Variants in BLMH observed in about 807,000 individuals in gnomAD.
BLMH encodes the protein bleomycin hydrolase.
In BLMH, 32 loss-of-function variants were observed where a neutral mutation model predicts 61.6. The observed-to-expected ratio is 0.52, with a 90% CI of 0.39 to 0.70. The LOEUF (loss-of-function observed/expected upper bound fraction) is 0.70, where lower values mean the gene tolerates loss of function less well. Ranked by LOEUF, BLMH falls within the 30% of genes least tolerant of loss-of-function variation. BLMH has a pLI of 0.00. For synonymous variants in BLMH, 183 were observed against 193.8 expected, an observed-to-expected ratio of 0.94 and a Z score of 0.46; for missense variants, 460 against 555.5, an observed-to-expected ratio of 0.83 and a Z score of 1.73.
intron 10 of BLMH, among the ~76,000 whole-genome samples, chr17:30,270,095 C>G (rs1908225648): frequency 6.6e-6 from 1 of 152,164 alleles, no homozygotes; most frequent in Non-Finnish European, 1.5e-5. Flanking sequence ...CAAATCAGGA[C>G]TTTTAGATAG....
chr17:30,272,761 C>T lies in BLMH; in HGVS notation c.940G>A (p.Ala314Thr). 6.2e-7 allele frequency: 1 copy of T among 1,614,148 alleles called. No homozygotes were observed. The highest frequency in any genetic ancestry group is 8.5e-7 in the Non-Finnish European group (1 of 1,180,022). Residue 314 changes from alanine to threonine, a missense_variant, in exon 8 of 12, where the codon GCC (alanine) becomes ACC (threonine). By Grantham distance (58) the Ala-to-Thr change is moderately conservative. This residue lies in a region of BLMH where 310 missense variants were observed against 371.1 expected (regional missense o/e 0.84). Transcript: ENST00000261714. ...PIDFLKKMVAASIKDGEAVWF... is the reference protein window; with the variant it reads ...PIDFLKKMVATSIKDGEAVWF... ...CCAACCTCTCCATCTTTGATGGAGG[C>T]AGCAACCATCTTTTTCAGGAAGTCA...
chr17:30,273,781 A>AG (rs776168366), intron 7 of BLMH: 3 of 508,044 alleles, frequency 5.9e-6, no homozygotes, highest in Non-Finnish European at 1.0e-5. Context: ...GGTCCTATAC[A>AG]GGGGCGCATG....
At chr17:30,276,995 A>G (rs1238973280) in intron 6 of BLMH, among the ~76,000 whole-genome samples, 1 of 152,218 alleles carries the variant, frequency 6.6e-6, no homozygotes, top group African/African-American at 2.4e-5. Flanking sequence ...GGCTGACATA[A>G]TGTCTGTGAG....
At chr17:30,291,548 G>T in intron 1 of BLMH, 40 bp from the exon 2 acceptor site, 1 of 1,605,472 alleles carries the variant, frequency 6.2e-7, no homozygotes, top group Non-Finnish European at 8.5e-7. Context: ...CAAAAAGAGG[G>T]GGAAAGGGCT....
In BLMH at chr17:30,283,612, C is replaced by T. The variant is rs567071638; in HGVS notation, c.645+1776G>A. On this transcript the variant is annotated intron_variant, in intron 6 of 11. Transcript: ENST00000261714. ...TCTCGGCTCACTGCAAGCTCTGCCT[C>T]CTGGGTTCAAGTGATTCCCCTGCCT... is the stretch of plus-strand genomic sequence containing the variant. Among the ~76,000 whole-genome samples the T allele has an allele frequency of 2.0e-5, 3 of 150,834 alleles. No individual in the cohort carries two copies. The South Asian group carries it at 6.3e-4, about 32-fold the overall frequency.
chr17:30,283,546 G>A (rs1403213471), intron 6 of BLMH, among the ~76,000 whole-genome samples: 30 of 135,754 alleles, frequency 2.2e-4, no homozygotes, highest in Admixed American at 1.1e-3. Context: ...TTTTGGAGAC[G>A]GAGTCTCACT....
At chr17:30,268,826 C>G (rs566537889) in intron 10 of BLMH, among the ~76,000 whole-genome samples, 32 of 145,542 alleles carry the variant, frequency 2.2e-4, no homozygotes, top group African/African-American at 8.0e-4. Flanking sequence ...TGCTTGAGGT[C>G]AGGAGTTCAA....
At chr17:30,285,317 T>A in intron 6 of BLMH, 71 bp downstream of exon 6, 1 of 1,066,004 alleles carries the variant, frequency 9.4e-7, no homozygotes, top group South Asian at 1.6e-5. Flanking sequence ...TCCTAATCAT[T>A]ACTTTAACAG....
chr17:30,287,035 C>A, intron 4 of BLMH, 133 bp from the exon 5 acceptor site: 1 of 644,702 alleles, frequency 1.6e-6, no homozygotes, highest in Non-Finnish European at 2.7e-6. Flanking sequence ...TATTATGAAG[C>A]AGGGTTTTTT....
chr17:30,259,127 G>A (rs1203292997), intron 11 of BLMH, among the ~76,000 whole-genome samples: 1 of 152,184 alleles, frequency 6.6e-6, no homozygotes, highest in Admixed American at 6.5e-5. Context: ...TTATTCTTGT[G>A]TTTATGTTTT....
At position 30,285,402 on chromosome 17, in the gene BLMH, C is replaced by T. The variant is rs149410629; in HGVS notation, c.631G>A (p.Val211Ile). 5.0e-6 allele frequency: 8 copies of T among 1,610,698 alleles called. No homozygotes were observed. Among genetic ancestry groups the T allele is most frequent in the South Asian group, 2.2e-5 (2 of 90,324 alleles). Residue 211 changes from valine to isoleucine, a missense_variant, in exon 6 of 12, where the codon GTC (valine) becomes ATC (isoleucine). Physicochemically the swap from Val to Ile is conservative, Grantham distance 29 (BLOSUM62 3). Coordinates refer to ENST00000261714, the MANE Select transcript of BLMH (RefSeq NM_000386.4). ...TKGEISATQD[V>I]MMEEIFRVVC... Reference sequence around the variant, plus strand: ...TTTGTTATTACCTCCTCCATCATGACGTCCTGTGTGGCCGAGATTTCTCCT... The same window carrying T: ...TTTGTTATTACCTCCTCCATCATGATGTCCTGTGTGGCCGAGATTTCTCCT...
chr17:30,268,858 G>A (rs1279996517), intron 10 of BLMH, among the ~76,000 whole-genome samples: 7 of 128,876 alleles, frequency 5.4e-5, no homozygotes, highest in South Asian at 2.4e-4. Flanking sequence ...CCAACATGGC[G>A]AAACCCTATC....
At chr17:30,254,690 T>A (rs939287143) in intron 11 of BLMH, among the ~76,000 whole-genome samples, 1 of 152,202 alleles carries the variant, frequency 6.6e-6, no homozygotes, top group East Asian at 1.9e-4. Context: ...GCTTTTTAAC[T>A]CCTTAAAAGT....
intron 11 of BLMH, among the ~76,000 whole-genome samples, chr17:30,255,513 C>G (rs537368657): frequency 6.6e-6 from 1 of 152,118 alleles, no homozygotes; most frequent in African/African-American, 2.4e-5. Context: ...TTCTTGGATC[C>G]AATTTGAGCC....
intron 10 of BLMH, among the ~76,000 whole-genome samples, chr17:30,269,833 C>T (rs374705341): frequency 2.6e-5 from 4 of 152,188 alleles, no homozygotes; most frequent in African/African-American, 9.6e-5. Context: ...GGCACCTTTA[C>T]ACCATACTGT....
intron 11 of BLMH, 109 bp from the exon 12 acceptor site, chr17:30,249,277 C>A: frequency 8.5e-7 from 1 of 1,169,812 alleles, no homozygotes; most frequent in Admixed American, 2.6e-5. Flanking sequence ...ACATATTTTT[C>A]AGCTTTCCCA....
Position 30,291,878 on chromosome 17 carries a change from G to C in BLMH, c.-59C>G, listed in dbSNP as rs1236866587. 45 of 1,275,658 alleles carry C rather than the reference G, an allele frequency of 3.5e-5. 1 individual carries two copies. Among genetic ancestry groups the C allele is most frequent in the Non-Finnish European group, 4.3e-5 (44 of 1,014,336 alleles). The allele number at this position is 1,275,658 out of a possible 1,614,324, so 79.0% of individuals were successfully genotyped here. A position where few individuals can be genotyped will look rare whatever the true frequency, so the allele number is the denominator to read the frequency against. On this transcript the variant is annotated 5_prime_UTR_variant, in exon 1 of 12. Coordinates refer to ENST00000261714, the MANE Select transcript of BLMH (RefSeq NM_000386.4). ...TTCCAGGGTCCTTGGGCGAGCGCCG[G>C]GATTGCGCTGCGGCTCGCTGCCTAG...
intron 6 of BLMH, among the ~76,000 whole-genome samples, chr17:30,278,439 T>C (rs1273215961): frequency 1.3e-5 from 2 of 152,242 alleles, no homozygotes; most frequent in Admixed American, 6.5e-5. Flanking sequence ...GTGACTTTAA[T>C]TGAAATTGCT....
intron 10 of BLMH, among the ~76,000 whole-genome samples, chr17:30,269,089 T>C (rs868631720): frequency 1.3e-5 from 2 of 151,052 alleles, no homozygotes; most frequent in African/African-American, 2.4e-5. Context: ...GAACTCTATA[T>C]AGTTTAAAAA....
Sources: gnomAD v4.1 joint callset for allele counts (sites outside exome capture counted in the v4.1 genomes callset) on GRCh38, gnomAD v4.1.1 for gene constraint, gnomAD v4.1.1 regional missense constraint, MANE v1.5 for transcripts, NCBI Gene and HGNC (gene_info 2026-07-23, HGNC 2026-07-21) for gene names.